Variants in RTKN observed in about 807,000 individuals in gnomAD.
RTKN encodes rhotekin.
Under a neutral mutation model 63.5 loss-of-function variants are expected in RTKN, and 49 were observed. That is an observed-to-expected ratio of 0.77 (90% CI 0.61 to 0.98). The LOEUF is 0.98. RTKN is among the 50% of genes least tolerant of loss of function. The pLI is 0.00. For synonymous variants in RTKN, 295 were observed against 290.4 expected (o/e 1.02, Z -0.16); for missense variants, 685 against 740.8 (o/e 0.92, Z 0.87).
At chr2:74,440,631 C>T (rs1460753200) in intron 1 of RTKN, 3 of 919,020 alleles carry the variant, frequency 3.3e-6, no homozygotes, top group Non-Finnish European at 2.6e-6. Flanking sequence ...CAGGCCCCTC[C>T]CCCTGGTCCC....
chr2:74,427,395 A>T, intron 10 of RTKN, 29 bp downstream of exon 10: 1 of 1,611,564 alleles, frequency 6.2e-7, no homozygotes, highest in Non-Finnish European at 8.5e-7. Context: ...TTCTTCCCAA[A>T]GGTTCAACCC....
Position 74,429,884 on chromosome 2 carries a change from C to T in RTKN, c.699G>A (p.Leu233=), listed in dbSNP as rs1670640241. 6.2e-7 allele frequency: 1 copy of T among 1,614,080 alleles called. No individual in the cohort carries two copies. Among genetic ancestry groups the T allele is most frequent in the African/African-American group, 1.3e-5 (1 of 74,932 alleles). ...TGCTCCCTGAACCCCCAGCACTGTC[C>T]AGCGATGCCCGGACACGCCTCCCTG... ...RSSGRRVRAS[L]DSAGGSGSSP... is the part of the protein sequence containing the mutation. Residue 233 remains leucine (L), a synonymous_variant, in exon 6 of 12, where the codon CTG becomes CTA. Coordinates refer to ENST00000272430, the MANE Select transcript of RTKN (RefSeq NM_001015055.2).
chr2:74,434,981 T>G (rs1670974672), intron 1 of RTKN, among the ~76,000 whole-genome samples: 1 of 152,106 alleles, frequency 6.6e-6, no homozygotes, highest in Non-Finnish European at 1.5e-5. Context: ...GCCAGGGACA[T>G]CTAGTTGGCA....
Position 74,429,027 on chromosome 2 carries a change from T to C in RTKN, c.756-85A>G, listed in dbSNP as rs1670588564. ...TAAGGGCTGAGCAGATCTGCCCCATTGTTCAGACTGCCCCACAGAAAACTC... is the reference window on the plus strand; with the variant it reads ...TAAGGGCTGAGCAGATCTGCCCCATCGTTCAGACTGCCCCACAGAAAACTC... On this transcript the variant is annotated intron_variant, in intron 6 of 11. Transcript: ENST00000272430. 3.8e-6 allele frequency: 4 copies of C among 1,061,890 alleles called. No individual in the cohort carries two copies. The East Asian group carries it at 7.2e-5, about 19-fold the overall frequency. 65.8% of individuals were successfully genotyped at this position (1,061,890 alleles called of 1,614,324 possible). A position where few individuals can be genotyped will look rare whatever the true frequency, so the allele number is the denominator to read the frequency against.
chr2:74,426,405 G>T lies in RTKN; in HGVS notation c.1530C>A (p.Pro510=). 1 of 1,612,224 alleles carries T rather than the reference G, an allele frequency of 6.2e-7. No homozygotes were observed. The highest frequency in any genetic ancestry group is 8.5e-7 in the Non-Finnish European group (1 of 1,179,216). ...AGGTTCGGGGTCTCCCCCAGGGCAG[G>T]GGGTGGGTCCAGTCTGGGGCTGGGG... is the stretch of plus-strand genomic sequence containing the variant. ...SVAPAPDWTH[P]LPWGRPRTFS... The change falls in exon 12 of 12, where the codon CCC becomes CCA. Residue 510 remains proline, a synonymous_variant. Coordinates refer to ENST00000272430, the MANE Select transcript of RTKN (RefSeq NM_001015055.2).
intron 1 of RTKN, chr2:74,440,537 C>T (rs1357738739): frequency 2.0e-6 from 2 of 986,046 alleles, no homozygotes; most frequent in Non-Finnish European, 2.4e-6. Flanking sequence ...CTTCACTCGG[C>T]GGCCGCCAGG....
intron 1 of RTKN, among the ~76,000 whole-genome samples, chr2:74,438,749 G>A (rs1671191400): frequency 6.6e-6 from 1 of 152,070 alleles, no homozygotes; most frequent in Admixed American, 6.5e-5. Context: ...AAATCCTCCT[G>A]GGCTTAGCTC....
chr2:74,429,664 C>T (rs763095611), intron 6 of RTKN, among the ~76,000 whole-genome samples, 164 bp downstream of exon 6: 14 of 152,334 alleles, frequency 9.2e-5, no homozygotes, highest in Middle Eastern at 3.4e-3. Context: ...AGCTCTGGGG[C>T]GTGGGCTGGA....
Position 74,439,830 on chromosome 2 carries a change from G to C in RTKN, c.111+1876C>G, listed in dbSNP as rs1300379627. ...CTGTGACAAATTTTCCTCGCCCACT[G>C]CTGCTCCGGGGCCCTGCCGGGAGCC... On this transcript the variant is annotated intron_variant, in intron 1 of 11. Coordinates refer to ENST00000272430, the MANE Select transcript of RTKN (RefSeq NM_001015055.2). The C allele has an allele frequency of 3.6e-6, 5 of 1,393,624 alleles. No homozygotes were observed. In the East Asian group the frequency reaches 1.0e-4, roughly 29 times the overall value. The allele number at this position is 1,393,624 out of a possible 1,614,324, so 86.3% of individuals were successfully genotyped here.
intron 1 of RTKN, among the ~76,000 whole-genome samples, chr2:74,437,538 G>A (rs1164695323): frequency 1.3e-5 from 2 of 152,148 alleles, no homozygotes; most frequent in Admixed American, 1.3e-4. Flanking sequence ...GAGGAGGGTA[G>A]GATGCAGAAT....
chr2:74,431,760 T>C (rs1670764947), intron 2 of RTKN: 1 of 153,670 alleles, frequency 6.5e-6, no homozygotes, highest in South Asian at 2.0e-4. Context: ...GCTGGGACTA[T>C]TTCCCCTAGC....
Position 74,431,339 on chromosome 2 carries a change from G to A in RTKN, c.312-662C>T, listed in dbSNP as rs370034408. On this transcript the variant is annotated intron_variant, in intron 2 of 11. Coordinates refer to ENST00000272430, the MANE Select transcript of RTKN (RefSeq NM_001015055.2). ...TCCCCCACACCCCACTGCAGGGCCCGACACCCCACCTTCCTTCCCTCCCTG... is the reference window on the plus strand; with the variant it reads ...TCCCCCACACCCCACTGCAGGGCCCAACACCCCACCTTCCTTCCCTCCCTG... Among the ~76,000 whole-genome samples the A allele has an allele frequency of 5.9e-5, 9 of 152,096 alleles. No homozygotes were observed. In the East Asian group the frequency reaches 7.7e-4, roughly 13 times the overall value.
At position 74,428,702 on chromosome 2, in the gene RTKN, C is replaced by G; in HGVS notation, c.886G>C (p.Val296Leu). 1.2e-6 allele frequency: 2 copies of G among 1,613,992 alleles called. No individual in the cohort carries two copies. Among genetic ancestry groups the G allele is most frequent in the Non-Finnish European group, 1.7e-6 (2 of 1,179,958 alleles). ...GGCTGAGCTGCCAGACGGCAACACA[C>G]GCTACCATAAAGGGGCAGCCAGGCA... ...NPAWLPLYGS[V>L]CCRLAAQPLC... is the part of the protein sequence containing the mutation. Residue 296 changes from valine (V) to leucine (L), a missense_variant, in exon 8 of 12, where the codon GTG (valine) becomes CTG (leucine). By Grantham distance (32) the Val-to-Leu change is conservative (BLOSUM62 1). Coordinates refer to ENST00000272430, the MANE Select transcript of RTKN (RefSeq NM_001015055.2).
chr2:74,432,638 T>C lies in RTKN; in HGVS notation c.140A>G (p.His47Arg), dbSNP rs1670824006. ...EDTELQRKLDHEIRMREGACK... is the reference protein window; with the variant it reads ...EDTELQRKLDREIRMREGACK... Reference sequence around the variant, plus strand: ...GGCCCCTTCCCTCATCCGGATCTCATGGTCTAGCTTCCTCTGCAACTCCGT... The same window carrying C: ...GGCCCCTTCCCTCATCCGGATCTCACGGTCTAGCTTCCTCTGCAACTCCGT... Residue 47 changes from histidine to arginine, a missense_variant, in exon 2 of 12, where the codon CAT (histidine) becomes CGT (arginine). Physicochemically the swap from His to Arg is conservative, Grantham distance 29. Transcript: ENST00000272430. 6.2e-7 allele frequency: 1 copy of C among 1,614,100 alleles called. No homozygotes were observed. Among genetic ancestry groups the C allele is most frequent in the Admixed American group, 1.7e-5 (1 of 60,016 alleles).
chr2:74,440,583 C>T lies in RTKN; in HGVS notation c.111+1123G>A, dbSNP rs532697313. The T allele has an allele frequency of 3.0e-4, 298 of 985,680 alleles. 2 individuals are homozygous for T. In the African/African-American group the frequency reaches 4.7e-3, roughly 15 times the overall value. The allele number at this position is 985,680 out of a possible 1,614,324, so 61.1% of individuals were successfully genotyped here. On this transcript the variant is annotated intron_variant, in intron 1 of 11. Coordinates refer to ENST00000272430, the MANE Select transcript of RTKN (RefSeq NM_001015055.2). ...CCGCCCCAGCTCCTCCGAGCTGTCC[C>T]CGAAGGCCGGGCTAATCCCAGGGGC...
intron 1 of RTKN, among the ~76,000 whole-genome samples, chr2:74,433,191 C>T (rs1348629390): frequency 6.7e-6 from 1 of 149,022 alleles, no homozygotes; most frequent in Non-Finnish European, 1.5e-5. Flanking sequence ...TGCAGTGAGC[C>T]GAGACTGCAC....
rs777414293 is a variant in RTKN at position 74,427,119 on chromosome 2, C to T, written c.1360+50G>A. 1.7e-5 allele frequency: 27 copies of T among 1,578,942 alleles called. No individual in the cohort carries two copies. In the East Asian group the frequency reaches 5.8e-4, roughly 34 times the overall value. On this transcript the variant is annotated intron_variant, in intron 11 of 11. Coordinates refer to ENST00000272430, the MANE Select transcript of RTKN (RefSeq NM_001015055.2). ...CATTATCTGGTTTCTCTTGAAGTCC[C>T]CAACCCTACTTCCCATTAGCTTCCT...
intron 1 of RTKN, among the ~76,000 whole-genome samples, chr2:74,433,937 C>G (rs537470256): frequency 6.6e-6 from 1 of 152,008 alleles, no homozygotes; most frequent in South Asian, 2.1e-4. Context: ...AAACAATCTC[C>G]AAAATAAATG....
rs1410752011 is a variant in RTKN at position 74,427,542 on chromosome 2, GA to G, written c.1136del (p.Phe379SerfsTer3). 6.2e-7 allele frequency: 1 copy of G among 1,613,964 alleles called. No homozygotes were observed. Among genetic ancestry groups the G allele is most frequent in the Admixed American group, 1.7e-5 (1 of 60,022 alleles). ...GELDQALGRP[F>X]TLSISNQYGD... is the part of the protein sequence containing the mutation. ...CATACTGGTTACTGATGCTTAGGGT[GA>G]AGGGCCGTCCTAGAGCCTGGTCCAG... On this transcript the variant is annotated frameshift_variant, in exon 10 of 12. Transcript: ENST00000272430. LOFTEE classifies it high-confidence loss of function.
Sources: gnomAD v4.1 joint callset for allele counts (sites outside exome capture counted in the v4.1 genomes callset) on GRCh38, gnomAD v4.1.1 for gene constraint, MANE v1.5 for transcripts, NCBI Gene and HGNC (gene_info 2026-07-23, HGNC 2026-07-21) for gene names.